The following KCTD16 variants were observed in gnomAD, a reference collection of about 807,000 sequenced individuals.
KCTD16 encodes the protein potassium channel tetramerization domain containing 16.
A neutral mutation model predicts 33.2 loss-of-function variants in KCTD16; 13 were observed. The ratio of observed to expected loss-of-function variants is 0.39; its 90% confidence interval spans 0.25 to 0.62. The LOEUF is 0.62. KCTD16 is among the 20% of genes least tolerant of loss of function. The pLI is 0.50. For synonymous variants in KCTD16, 197 were observed against 195.3 expected, an observed-to-expected ratio of 1.01 and a Z score of -0.07; for missense variants, 441 against 525.1, an observed-to-expected ratio of 0.84 and a Z score of 1.57.
chr5:144,470,335 G>A (rs568226164), intron 3 of KCTD16, among the ~76,000 whole-genome samples: 5 of 152,220 alleles, frequency 3.3e-5, no homozygotes, highest in African/African-American at 1.2e-4. Context: ...TAGGTTCTTG[G>A]GAAGAGGGTA....
intron 3 of KCTD16, among the ~76,000 whole-genome samples, chr5:144,226,395 G>A (rs1314873859): frequency 6.6e-6 from 1 of 152,090 alleles, no homozygotes; most frequent in Non-Finnish European, 1.5e-5. Context: ...GTTACACTGG[G>A]TTATCCATAG....
At chr5:144,322,550 G>A (rs1242506279) in intron 3 of KCTD16, among the ~76,000 whole-genome samples, 1 of 151,534 alleles carries the variant, frequency 6.6e-6, no homozygotes, top group South Asian at 2.1e-4. Context: ...GCTAAGAGAG[G>A]GTCTGTGTGA....
chr5:144,347,304 T>C (rs1214737534), intron 3 of KCTD16, among the ~76,000 whole-genome samples: 2 of 152,058 alleles, frequency 1.3e-5, no homozygotes, highest in East Asian at 3.9e-4. Flanking sequence ...AAGAAGTAAA[T>C]GCAAAACCGG....
chr5:144,372,613 C>T (rs996524431), intron 3 of KCTD16, among the ~76,000 whole-genome samples: 25 of 152,292 alleles, frequency 1.6e-4, no homozygotes, highest in African/African-American at 6.0e-4. Context: ...GGCAACTCCT[C>T]ACCTGTGCCA....
At chr5:144,302,006 G>A (rs1171278224) in intron 3 of KCTD16, among the ~76,000 whole-genome samples, 6 of 151,750 alleles carry the variant, frequency 4.0e-5, no homozygotes, top group South Asian at 2.1e-4. Flanking sequence ...TAAATTTTAC[G>A]CAAAATTAAG....
At chr5:144,398,892 T>C (rs1752639669) in intron 3 of KCTD16, among the ~76,000 whole-genome samples, 1 of 152,182 alleles carries the variant, frequency 6.6e-6, no homozygotes, top group African/African-American at 2.4e-5. Context: ...TGGTACTTCC[T>C]TGCATTTACA....
At chr5:144,323,896 A>G (rs1001481159) in intron 3 of KCTD16, among the ~76,000 whole-genome samples, 5 of 152,174 alleles carry the variant, frequency 3.3e-5, no homozygotes, top group African/African-American at 1.2e-4. Context: ...AAGATGTAGG[A>G]GCTGCTTCAC....
At chr5:144,276,200 A>G (rs575418530) in intron 3 of KCTD16, among the ~76,000 whole-genome samples, 6 of 152,366 alleles carry the variant, frequency 3.9e-5, no homozygotes, top group African/African-American at 1.2e-4. Flanking sequence ...AGACACATCA[A>G]TAGACAATAT....
intron 3 of KCTD16, among the ~76,000 whole-genome samples, chr5:144,357,917 T>TTTTA (rs1360664177): frequency 3.3e-5 from 5 of 151,808 alleles, no homozygotes; most frequent in African/African-American, 9.7e-5. Context: ...ATTAATTAAT[T>TTTTA]TTTATTTATT....
chr5:144,352,922 C>T (rs1184606197), intron 3 of KCTD16, among the ~76,000 whole-genome samples: 2 of 152,182 alleles, frequency 1.3e-5, no homozygotes, highest in Non-Finnish European at 2.9e-5. Context: ...AAGCCGTCTG[C>T]TTATAAATAC....
intron 3 of KCTD16, among the ~76,000 whole-genome samples, chr5:144,221,731 G>A (rs1467224899): frequency 2.0e-5 from 3 of 152,208 alleles, no homozygotes; most frequent in Non-Finnish European, 4.4e-5. Context: ...AAACATACGT[G>A]TGCATGTGTC....
chr5:144,175,672 C>T (rs146342545), intron 2 of KCTD16, among the ~76,000 whole-genome samples: 1 of 152,260 alleles, frequency 6.6e-6, no homozygotes, highest in East Asian at 1.9e-4. Flanking sequence ...TACTTACTTG[C>T]CATGGAGCTT....
intron 3 of KCTD16, among the ~76,000 whole-genome samples, chr5:144,401,983 C>A (rs192063489): frequency 6.6e-6 from 1 of 152,274 alleles, no homozygotes; most frequent in African/African-American, 2.4e-5. Flanking sequence ...CTGTGTTAGG[C>A]TTGAGAGCAG....
intron 3 of KCTD16, among the ~76,000 whole-genome samples, chr5:144,281,006 C>CG (rs1321578059): frequency 5.2e-5 from 7 of 135,194 alleles, no homozygotes; most frequent in East Asian, 4.2e-4. Flanking sequence ...AGTGAAACCC[C>CG]GTCTCTACTA....
At chr5:144,194,951 A>G (rs1752914136) in intron 2 of KCTD16, among the ~76,000 whole-genome samples, 1 of 152,218 alleles carries the variant, frequency 6.6e-6, no homozygotes, top group African/African-American at 2.4e-5. Context: ...ATGAAAGGTG[A>G]CCACAAATCC....
At chr5:144,284,831 T>G (rs2126857501) in intron 3 of KCTD16, among the ~76,000 whole-genome samples, 1 of 152,324 alleles carries the variant, frequency 6.6e-6, no homozygotes, top group African/African-American at 2.4e-5. Flanking sequence ...AGATTGGGCA[T>G]TTCTAAAGTT....
chr5:144,361,639 G>C (rs541716149), intron 3 of KCTD16, among the ~76,000 whole-genome samples: 5 of 152,216 alleles, frequency 3.3e-5, no homozygotes, highest in African/African-American at 1.2e-4. Context: ...TCCTTTTGGG[G>C]TATAGAAGGA....
chr5:144,432,184 A>G (rs576044330), intron 3 of KCTD16, among the ~76,000 whole-genome samples: 2 of 152,198 alleles, frequency 1.3e-5, no homozygotes, highest in Non-Finnish European at 1.5e-5. Flanking sequence ...TTATAATGAA[A>G]CCAATATTAT....
chr5:144,378,220 T>A (rs1752135587), intron 3 of KCTD16, among the ~76,000 whole-genome samples: 1 of 152,292 alleles, frequency 6.6e-6, no homozygotes, highest in Non-Finnish European at 1.5e-5. Flanking sequence ...AAGGTATATT[T>A]AGAATTGCAG....
Sources: gnomAD v4.1 joint callset for allele counts (sites outside exome capture counted in the v4.1 genomes callset) on GRCh38, gnomAD v4.1.1 for gene constraint, MANE v1.5 for transcripts, NCBI Gene and HGNC (gene_info 2026-07-23, HGNC 2026-07-21) for gene names.